KCNH1: variants seen among roughly 807,000 people sequenced by gnomAD.
The protein encoded by KCNH1 is voltage-gated delayed rectifier potassium channel KCNH1.
A neutral mutation model predicts 69.2 loss-of-function variants in KCNH1; 27 were observed. The observed-to-expected ratio is 0.39, with a 90% CI of 0.29 to 0.54. The LOEUF is 0.54. KCNH1 is among the 20% of genes least tolerant of loss of function. The pLI, the probability that KCNH1 is intolerant of heterozygous loss-of-function variation, is 0.68. For missense variants in KCNH1, 798 were observed against 1,261.6 expected (o/e 0.63, Z 5.57); for synonymous variants, 456 against 487.7 (o/e 0.93, Z 0.86).
At chr1:211,046,025 G>C (rs1690090338) in intron 5 of KCNH1, among the ~76,000 whole-genome samples, 1 of 152,060 alleles carries the variant, frequency 6.6e-6, no homozygotes, top group Non-Finnish European at 1.5e-5. Context: ...TGACTCTTTT[G>C]TAAGACTGAA....
At chr1:211,123,060 T>A (rs1029479976) in intron 1 of KCNH1, among the ~76,000 whole-genome samples, 1 of 152,348 alleles carries the variant, frequency 6.6e-6, no homozygotes, top group African/African-American at 2.4e-5. Context: ...CAACAAATAT[T>A]TGAGTATCTA....
intron 1 of KCNH1, chr1:211,108,398 G>C (rs1430231097): frequency 6.6e-6 from 1 of 151,670 alleles, no homozygotes; most frequent in African/African-American, 2.4e-5. Context: ...GTGTCTGTGT[G>C]TGTGTGTGTG....
chr1:211,129,745 A>T (rs1302564460), intron 1 of KCNH1, among the ~76,000 whole-genome samples: 1 of 152,238 alleles, frequency 6.6e-6, no homozygotes, highest in African/African-American at 2.4e-5. Context: ...AGGAGACACA[A>T]CATTACTCGT....
In KCNH1 at chr1:210,683,612, C is replaced by A; in HGVS notation, c.2639G>T (p.Cys880Phe). The change falls in exon 11 of 11, where the codon TGT becomes TTT. Residue 880 changes from cysteine (C) to phenylalanine (F), a missense_variant. Cys to Phe is a radical substitution (Grantham distance 205, BLOSUM62 -2). Around this residue, in one of 4 missense-constraint regions of KCNH1, gnomAD observed 331 missense variants for 363.2 expected, o/e 0.91. Transcript: ENST00000271751. This position sits in a 1 kb window ranked among gnomAD's most constrained non-coding sequence, Gnocchi z 5.7. ...GTCGCTCTTGGTGATGCCACTGTCACACGAGTCTGTCTTCTTCAGTGTGGC... is the reference window on the plus strand; with the variant it reads ...GTCGCTCTTGGTGATGCCACTGTCAAACGAGTCTGTCTTCTTCAGTGTGGC... ...GEATLKKTDS[C>F]DSGITKSDLR... The A allele has an allele frequency of 6.2e-7, 1 of 1,614,222 alleles. No individual in the cohort carries two copies. Among genetic ancestry groups the A allele is most frequent in the Non-Finnish European group, 8.5e-7 (1 of 1,180,046 alleles).
Position 211,103,556 on chromosome 1 carries a change from G to A in KCNH1, c.250C>T (p.Arg84Trp), listed in dbSNP as rs1262890084. The part of the protein sequence containing the change: ...LTDKDTIEKV[R>W]QTFENYEMNS... ...ATCTCATAGTTCTCAAATGTTTGCC[G>A]CACTTTTTCAATCGTGTCTTTATCA... The change falls in exon 3 of 11, where the codon CGG becomes TGG. Residue 84 changes from arginine (R) to tryptophan (W), a missense_variant. By Grantham distance (101) the Arg-to-Trp change is moderately radical. Around this residue, in one of 4 missense-constraint regions of KCNH1, gnomAD observed 266 missense variants for 457.2 expected, o/e 0.58. Coordinates refer to ENST00000271751, the MANE Select transcript of KCNH1 (RefSeq NM_172362.3). 17 of 1,613,074 alleles carry A rather than the reference G, an allele frequency of 1.1e-5. No homozygotes were observed. The highest frequency in any genetic ancestry group is 1.2e-5 in the Non-Finnish European group (14 of 1,179,592).
chr1:210,847,764 A>G (rs1685592493), intron 7 of KCNH1, among the ~76,000 whole-genome samples: 1 of 151,802 alleles, frequency 6.6e-6, no homozygotes, highest in Admixed American at 6.6e-5. Context: ...ATAAATAAAA[A>G]TAAAGATATA....
At chr1:211,104,492 A>G (rs1691319030) in intron 2 of KCNH1, among the ~76,000 whole-genome samples, 1 of 152,230 alleles carries the variant, frequency 6.6e-6, no homozygotes, top group African/African-American at 2.4e-5. Flanking sequence ...GAAAAATGCC[A>G]GGACTGTTTA....
chr1:210,767,878 A>G (rs1334669734), intron 10 of KCNH1, among the ~76,000 whole-genome samples: 2 of 152,246 alleles, frequency 1.3e-5, no homozygotes, highest in Non-Finnish European at 2.9e-5. Flanking sequence ...GATGACTATT[A>G]AAAGATAAGT....
chr1:210,929,594 C>T (rs750758204), intron 6 of KCNH1, among the ~76,000 whole-genome samples: 19 of 152,210 alleles, frequency 1.2e-4, no homozygotes, highest in South Asian at 2.1e-4. Context: ...AAAAGTTGAA[C>T]GCATTCCCTC....
At chr1:210,696,613 C>A (rs921586637) in intron 10 of KCNH1, among the ~76,000 whole-genome samples, 1 of 152,170 alleles carries the variant, frequency 6.6e-6, no homozygotes, top group African/African-American at 2.4e-5. Flanking sequence ...GACACTTGAA[C>A]TCCCACCTGG....
intron 10 of KCNH1, among the ~76,000 whole-genome samples, chr1:210,711,979 G>A (rs892383060): frequency 6.6e-5 from 10 of 152,292 alleles, no homozygotes; most frequent in African/African-American, 2.2e-4. Flanking sequence ...TGTCCACAAC[G>A]GCAGAAGGAC....
intron 6 of KCNH1, among the ~76,000 whole-genome samples, chr1:210,991,544 T>C (rs990795495): frequency 2.0e-5 from 3 of 151,876 alleles, no homozygotes; most frequent in African/African-American, 4.8e-5. Context: ...TTGCTCAACA[T>C]GGTGACCATA....
At chr1:210,893,470 T>G (rs950247277) in intron 7 of KCNH1, among the ~76,000 whole-genome samples, 5 of 152,080 alleles carry the variant, frequency 3.3e-5, no homozygotes, top group Non-Finnish European at 7.4e-5. Context: ...ATTTTTATGA[T>G]GTACCTTGCC....
intron 6 of KCNH1, among the ~76,000 whole-genome samples, chr1:210,978,271 C>G (rs1688651292): frequency 6.6e-6 from 1 of 152,152 alleles, no homozygotes; most frequent in South Asian, 2.1e-4. Flanking sequence ...ATTTCCTGAC[C>G]TCGTGATCTG....
chr1:210,864,219 T>C (rs1054117689), intron 7 of KCNH1, among the ~76,000 whole-genome samples: 2 of 152,164 alleles, frequency 1.3e-5, no homozygotes, highest in Admixed American at 6.5e-5. Context: ...GTCTCCACTA[T>C]TGAGCCAGGT....
chr1:211,133,720 G>A lies in KCNH1; in HGVS notation c.79+147C>T. On this transcript the variant is annotated intron_variant, in intron 1 of 10. Coordinates refer to ENST00000271751, the MANE Select transcript of KCNH1 (RefSeq NM_172362.3). This position sits in a 1 kb window ranked among gnomAD's most constrained non-coding sequence, Gnocchi z 5.4. ...CGCCCTGCCCACCTTTCTCTGCCTC[G>A]GGGAGGCTGCCCTGGGTGCCCGCGC... The A allele has an allele frequency of 3.2e-6, 2 of 632,252 alleles. No homozygotes were observed. The highest frequency in any genetic ancestry group is 1.9e-5 in the South Asian group (1 of 53,810). The allele number at this position is 632,252 out of a possible 1,614,324, so 39.2% of individuals were successfully genotyped here.
intron 7 of KCNH1, among the ~76,000 whole-genome samples, chr1:210,818,367 C>A (rs142469453): frequency 1.8e-3 from 269 of 152,198 alleles, no homozygotes; most frequent in African/African-American, 6.0e-3. Flanking sequence ...GGAAATAATT[C>A]TCTTGCCATT....
chr1:211,023,222 G>A (rs1275504559), intron 5 of KCNH1, among the ~76,000 whole-genome samples: 12 of 151,868 alleles, frequency 7.9e-5, no homozygotes, highest in Admixed American at 7.2e-4. Context: ...TGTTGGGGAT[G>A]TAAATTAATA....
chr1:210,946,426 T>C, intron 6 of KCNH1, among the ~76,000 whole-genome samples: 1 of 152,160 alleles, frequency 6.6e-6, no homozygotes, highest in Non-Finnish European at 1.5e-5. Context: ...TCCCATTTGC[T>C]TTACTCTGCA....
Sources: allele counts gnomAD v4.1 joint callset (sites outside exome capture counted in the v4.1 genomes callset), GRCh38; gene constraint gnomAD v4.1.1; regional missense constraint gnomAD v4.1.1; non-coding constraint Gnocchi (gnomAD v3.1); transcripts MANE v1.5; gene names NCBI Gene and HGNC (gene_info 2026-07-23, HGNC 2026-07-21).